The following ESYT2 variants were observed in gnomAD, a reference collection of about 807,000 sequenced individuals.
The protein encoded by ESYT2 is extended synaptotagmin-2.
A neutral mutation model predicts 107.2 loss-of-function variants in ESYT2; 54 were observed. That is an observed-to-expected ratio of 0.50 (90% CI 0.40 to 0.63). The LOEUF (loss-of-function observed/expected upper bound fraction) is 0.63, where lower values mean the gene tolerates loss of function less well. ESYT2 is among the 30% of genes least tolerant of loss of function. The pLI is 0.00. For synonymous variants in ESYT2, 491 were observed against 434.1 expected, an observed-to-expected ratio of 1.13 and a Z score of -1.63; for missense variants, 1,020 against 1,094.5, an observed-to-expected ratio of 0.93 and a Z score of 0.96.
At position 158,806,100 on chromosome 7, in the gene ESYT2, C is replaced by T. The variant is rs12698282; in HGVS notation, c.331-7028G>A. ...GCGTGGGAGGCGCCGGGGCACACCG[C>T]GTGGGAGGCGCCGGGGCACACCGCG... On this transcript the variant is annotated intron_variant, in intron 1 of 22. Transcript: ENST00000275418. Among the ~76,000 whole-genome samples, 198 of 23,064 alleles carry T rather than the reference C, an allele frequency of 8.6e-3. 3 individuals carry two copies. The highest frequency in any genetic ancestry group is 0.013 in the South Asian group (10 of 762). The allele number at this position is 23,064 out of a possible 152,430, so 15.1% of individuals were successfully genotyped here.
Position 158,763,143 on chromosome 7 carries a change from C to T in ESYT2, c.1124G>A (p.Gly375Glu). 6.2e-7 allele frequency: 1 copy of T among 1,612,770 alleles called. No homozygotes were observed. Among genetic ancestry groups the T allele is most frequent in the Non-Finnish European group, 8.5e-7 (1 of 1,179,324 alleles). The stretch of plus-strand genomic sequence containing the variant: ...AAAGAGCTCAATCTCTAATTCTTGT[C>T]CAGGATGTTCATACACTAAAGCCTA... The part of the protein sequence containing the change: ...VYEALVYEHP[G>E]QELEIELFDE... The change falls in exon 10 of 23, where the codon GGA becomes GAA. Residue 375 changes from glycine (G) to glutamate (E), a missense_variant. Gly to Glu is a moderately conservative substitution (Grantham distance 98, BLOSUM62 -2). Transcript: ENST00000275418.
chr7:158,734,259 A>C lies in ESYT2; in HGVS notation c.2556-7T>G. ...ATCTTCCGTGAGGTCATACCTGAGA[A>C]AGACAGTGACAGGAAGGTGGTGACG... On this transcript the variant is annotated splice_region_variant and splice_polypyrimidine_tract_variant and intron_variant, in intron 22 of 22. Coordinates refer to ENST00000275418, the MANE Select transcript of ESYT2 (RefSeq NM_001367773.1). 1 of 1,614,120 alleles carries C rather than the reference A, an allele frequency of 6.2e-7. No individual in the cohort carries two copies. The highest frequency in any genetic ancestry group is 8.5e-7 in the Non-Finnish European group (1 of 1,180,022).
At position 158,797,865 on chromosome 7, in the gene ESYT2, A is replaced by AAAAAAG. The variant is rs1554422724; in HGVS notation, c.507+76_507+77insCTTTTT. The AAAAAAG allele has an allele frequency of 4.2e-4, 651 of 1,558,144 alleles. 2 individuals are homozygous for AAAAAAG. In the African/African-American group the frequency reaches 8.4e-3, roughly 20 times the overall value. Reference sequence around the variant, plus strand: ...CGAGACTCCGTCTCAAGAAAAAAAAAAAAAGAAAATGTGTTGTTTTGTGTT... The same window carrying AAAAAAG: ...CGAGACTCCGTCTCAAGAAAAAAAAAAAAAAGAAAAGAAAATGTGTTGTTTTGTGTT... On this transcript the variant is annotated intron_variant, in intron 3 of 22. Coordinates refer to ENST00000275418, the MANE Select transcript of ESYT2 (RefSeq NM_001367773.1).
intron 3 of ESYT2, 149 bp from the exon 4 acceptor site, chr7:158,793,875 A>AT (rs1261933454): frequency 9.2e-6 from 6 of 654,180 alleles, no homozygotes; most frequent in Non-Finnish European, 7.8e-6. Flanking sequence ...GTGTGGCTTG[A>AT]TTTTCAGCTA....
intron 14 of ESYT2, among the ~76,000 whole-genome samples, chr7:158,751,252 C>G (rs142739334): frequency 3.9e-5 from 6 of 152,174 alleles, no homozygotes; most frequent in Non-Finnish European, 8.8e-5. Flanking sequence ...AACTGTTTAT[C>G]CTAAAATTCT....
chr7:158,755,407 A>G (rs1309436146), intron 13 of ESYT2, among the ~76,000 whole-genome samples: 1 of 152,190 alleles, frequency 6.6e-6, no homozygotes, highest in Non-Finnish European at 1.5e-5. Flanking sequence ...TGCTGCAGGA[A>G]AGCTGATTTT....
rs1352783632 is a variant in ESYT2, at chr7:158,734,447, C to T, written c.2530G>A (p.Glu844Lys). ...CACTGGGTCCAGCCTTTGGCAAGTT[C>T]TTCAGATGCCAGAGCAACCAATACC... ...GKVLVALASE[E>K]LAKGWTQWYD... The change falls in exon 22 of 23, where the codon GAA becomes AAA. Residue 844 changes from glutamate (E) to lysine (K), a missense_variant. By Grantham distance (56) the Glu-to-Lys change is moderately conservative. Transcript: ENST00000275418. The T allele has an allele frequency of 2.5e-6, 4 of 1,613,840 alleles. No homozygotes were observed. The highest frequency in any genetic ancestry group is 2.2e-5 in the South Asian group (2 of 91,062).
At chr7:158,762,781 A>G (rs1018633614) in intron 10 of ESYT2, among the ~76,000 whole-genome samples, 12 of 152,326 alleles carry the variant, frequency 7.9e-5, no homozygotes, top group Middle Eastern at 3.4e-3. Context: ...ATGTAGCTTT[A>G]AGCCTTGTAA....
chr7:158,742,298 C>T (rs1388674164), intron 17 of ESYT2, among the ~76,000 whole-genome samples: 3 of 151,590 alleles, frequency 2.0e-5, no homozygotes, highest in Admixed American at 2.0e-4. Context: ...GGCAGGCCAC[C>T]CCCCTGAAGC....
In ESYT2 at chr7:158,829,319, G is replaced by T; in HGVS notation, c.100C>A (p.Pro34Thr). 1 of 1,492,922 alleles carries T rather than the reference G, an allele frequency of 6.7e-7. No individual in the cohort carries two copies. Among genetic ancestry groups the T allele is most frequent in the South Asian group, 1.2e-5 (1 of 80,152 alleles). The allele number at this position is 1,492,922 out of a possible 1,614,324, so 92.5% of individuals were successfully genotyped here. A position where few individuals can be genotyped will look rare whatever the true frequency, so the allele number is the denominator to read the frequency against. Reference sequence around the variant, plus strand: ...CGCGCCAGCTGCGCCAGCAGCCCGGGCAGCTCCACGCTCAGCACGCCCCCG... The same window carrying T: ...CGCGCCAGCTGCGCCAGCAGCCCGGTCAGCTCCACGCTCAGCACGCCCCCG... ...NPGGVLSVEL[P>T]GLLAQLARSF... The change falls in exon 1 of 23, where the codon CCC becomes ACC. Residue 34 changes from proline to threonine, a missense_variant. By Grantham distance (38) the Pro-to-Thr change is conservative. Coordinates refer to ENST00000275418, the MANE Select transcript of ESYT2 (RefSeq NM_001367773.1).
Position 158,825,218 on chromosome 7 carries a change from G to A in ESYT2, c.330+3871C>T, listed in dbSNP as rs367666806. ...TGAGGCAGGAGAGTCGCTTAAACCC[G>A]GGAGGCAGAGGTTGCGGTGAGCCGA... On this transcript the variant is annotated intron_variant, in intron 1 of 22. Coordinates refer to ENST00000275418, the MANE Select transcript of ESYT2 (RefSeq NM_001367773.1). 4.4e-4 allele frequency among the ~76,000 whole-genome samples: 67 copies of A among 152,240 alleles called. 1 individual carries two copies. The East Asian group carries it at 0.01, about 23-fold the overall frequency.
intron 1 of ESYT2, among the ~76,000 whole-genome samples, chr7:158,821,738 A>G (rs1840290398): frequency 6.6e-6 from 1 of 152,218 alleles, no homozygotes; most frequent in Non-Finnish European, 1.5e-5. Context: ...GCCTTCTACC[A>G]GGTGGAGGAG....
At chr7:158,747,711 A>C (rs778846187) in intron 16 of ESYT2, among the ~76,000 whole-genome samples, 12 of 152,316 alleles carry the variant, frequency 7.9e-5, no homozygotes, top group Admixed American at 3.3e-4. Flanking sequence ...ACCCAACAGA[A>C]TGAAGGCATA....
At chr7:158,776,416 A>G (rs544629784) in intron 6 of ESYT2, among the ~76,000 whole-genome samples, 3 of 152,258 alleles carry the variant, frequency 2.0e-5, no homozygotes, top group Non-Finnish European at 4.4e-5. Context: ...TCTGTTGTTT[A>G]GTGGAGCCAC....
chr7:158,774,978 T>C (rs1031746196), intron 6 of ESYT2, among the ~76,000 whole-genome samples: 1 of 152,120 alleles, frequency 6.6e-6, no homozygotes, highest in African/African-American at 2.4e-5. Context: ...GGAAAGAGAA[T>C]ACAATTCAAA....
Position 158,823,072 on chromosome 7 carries a change from T to G in ESYT2, c.330+6017A>C, listed in dbSNP as rs1160038265. ...CTTTGGGAGGCTGAGGCAGGCGGAT[T>G]GCCTGAGCTTAGGAGTTCAAGACCA... is the stretch of plus-strand genomic sequence containing the variant. On this transcript the variant is annotated intron_variant, in intron 1 of 22. Coordinates refer to ENST00000275418, the MANE Select transcript of ESYT2 (RefSeq NM_001367773.1). Among the ~76,000 whole-genome samples, 2 of 151,054 alleles carry G rather than the reference T, an allele frequency of 1.3e-5. 1 individual carries two copies. The highest frequency in any genetic ancestry group is 3.0e-5 in the Non-Finnish European group (2 of 67,674).
intron 1 of ESYT2, among the ~76,000 whole-genome samples, chr7:158,812,578 C>T (rs557360315): frequency 1.3e-5 from 2 of 152,292 alleles, no homozygotes. Flanking sequence ...ATAGACCCAA[C>T]AATTCTATTC....
At chr7:158,763,286 A>AT in intron 9 of ESYT2, 121 bp from the exon 10 acceptor site, 1 of 349,738 alleles carries the variant, frequency 2.9e-6, no homozygotes, top group Non-Finnish European at 4.9e-6. Flanking sequence ...ATCCTTATTT[A>AT]TTTATTTATT....
intron 14 of ESYT2, among the ~76,000 whole-genome samples, chr7:158,752,513 T>C (rs1837618916): frequency 6.6e-6 from 1 of 152,262 alleles, no homozygotes; most frequent in South Asian, 2.1e-4. Context: ...TTAAAATAGA[T>C]ACTTAAATCA....
Sources: gnomAD v4.1 joint callset for allele counts (sites outside exome capture counted in the v4.1 genomes callset) on GRCh38, gnomAD v4.1.1 for gene constraint, MANE v1.5 for transcripts, NCBI Gene and HGNC (gene_info 2026-07-23, HGNC 2026-07-21) for gene names.